The following ADAM17 variants were observed in gnomAD, a reference collection of about 807,000 sequenced individuals.
ADAM17 encodes disintegrin and metalloproteinase domain-containing protein 17.
A neutral mutation model predicts 96.7 loss-of-function variants in ADAM17; 39 were observed. The ratio of observed to expected loss-of-function variants is 0.40; its 90% confidence interval spans 0.31 to 0.53. ADAM17 has a LOEUF of 0.53. Ranked by LOEUF, ADAM17 falls within the 20% of genes least tolerant of loss-of-function variation. The pLI is 0.44. For missense variants in ADAM17, 777 were observed against 1,013.2 expected (o/e 0.77, Z 3.17); for synonymous variants, 344 against 359.2 (o/e 0.96, Z 0.48).
At chr2:9,500,624 A>G (rs970357985) in intron 13 of ADAM17, among the ~76,000 whole-genome samples, 4 of 152,238 alleles carry the variant, frequency 2.6e-5, no homozygotes, top group East Asian at 3.8e-4. Flanking sequence ...TTTGAAAAAT[A>G]TAAGAATGGG....
chr2:9,506,187 C>A (rs568728011), intron 11 of ADAM17, among the ~76,000 whole-genome samples: 4 of 152,182 alleles, frequency 2.6e-5, no homozygotes, highest in Non-Finnish European at 5.9e-5. Context: ...AATGGCTTCA[C>A]TTTCACCCCA....
chr2:9,539,071 C>T (rs575124605), intron 2 of ADAM17, among the ~76,000 whole-genome samples: 14 of 151,988 alleles, frequency 9.2e-5, no homozygotes, highest in African/African-American at 3.1e-4. Flanking sequence ...GTATATACTC[C>T]GCAGCTTTTT....
intron 11 of ADAM17, among the ~76,000 whole-genome samples, chr2:9,506,360 T>G (rs1375011477): frequency 1.9e-5 from 2 of 107,432 alleles, no homozygotes; most frequent in Admixed American, 8.7e-5. Context: ...TTCAAATCTG[T>G]TTTTTTTTTT....
At chr2:9,496,983 C>G in intron 14 of ADAM17, 131 bp downstream of exon 14, 2 of 1,387,288 alleles carry the variant, frequency 1.4e-6, no homozygotes, top group Non-Finnish European at 1.9e-6. Flanking sequence ...CCCTGCCCTT[C>G]CCCATCCCCT....
At chr2:9,520,287 T>C (rs886349188) in intron 8 of ADAM17, among the ~76,000 whole-genome samples, 1 of 152,238 alleles carries the variant, frequency 6.6e-6, no homozygotes, top group Non-Finnish European at 1.5e-5. Flanking sequence ...AAAGTCATTC[T>C]ACACCAAAGT....
intron 4 of ADAM17, among the ~76,000 whole-genome samples, chr2:9,530,988 C>T (rs1198113366): frequency 2.0e-5 from 3 of 152,118 alleles, no homozygotes; most frequent in Non-Finnish European, 4.4e-5. Context: ...GACAGAGTTT[C>T]ACCCTGTCAC....
At chr2:9,493,060 T>C in intron 16 of ADAM17, 74 bp from the exon 17 acceptor site, 3 of 1,264,430 alleles carry the variant, frequency 2.4e-6, no homozygotes, top group Non-Finnish European at 3.3e-6. Flanking sequence ...TCTTAGGATA[T>C]TACCATTGTG....
Position 9,555,492 on chromosome 2 carries a change from C to T in ADAM17, c.97+17G>A. On this transcript the variant is annotated intron_variant, in intron 1 of 18. Transcript: ENST00000310823. ...CGCTCCAGGCGCCGGCCTAAGCCAACTCCCCTGGGTCTTTACCGAGTCTCT... is the reference window on the plus strand; with the variant it reads ...CGCTCCAGGCGCCGGCCTAAGCCAATTCCCCTGGGTCTTTACCGAGTCTCT... 3 of 1,566,424 alleles carry T rather than the reference C, an allele frequency of 1.9e-6. No individual in the cohort carries two copies. Among genetic ancestry groups the T allele is most frequent in the Non-Finnish European group, 2.6e-6 (3 of 1,156,018 alleles).
chr2:9,548,971 C>T (rs1665500233), intron 1 of ADAM17, among the ~76,000 whole-genome samples: 1 of 152,192 alleles, frequency 6.6e-6, no homozygotes, highest in African/African-American at 2.4e-5. Context: ...CTGGGATAAG[C>T]TTTTATGGCC....
intron 1 of ADAM17, among the ~76,000 whole-genome samples, chr2:9,551,072 CA>C (rs752876279): frequency 2.8e-3 from 342 of 120,160 alleles, no homozygotes; most frequent in Admixed American, 5.4e-3. Context: ...GACTCTGTCT[CA>C]AAAAAAAAAA....
At chr2:9,496,718 G>C (rs1258206313) in intron 14 of ADAM17, among the ~76,000 whole-genome samples, 3 of 152,206 alleles carry the variant, frequency 2.0e-5, no homozygotes, top group Non-Finnish European at 2.9e-5. Flanking sequence ...TGGTGGAGTT[G>C]TTGCAGGAGT....
At position 9,555,591 on chromosome 2, in the gene ADAM17, G is replaced by A; in HGVS notation, c.15C>T (p.Leu5=). ...AAGGAACCACGCTGGTCAGGAATAG[G>A]AGAGACTGCCTCATGTTCCCGGCCC... MRQS[L]LFLTSVVPFV... Residue 5 remains leucine, a synonymous_variant, in exon 1 of 19, where the codon CTC becomes CTT. Coordinates refer to ENST00000310823, the MANE Select transcript of ADAM17 (RefSeq NM_003183.6). 2.5e-6 allele frequency: 4 copies of A among 1,589,688 alleles called. No individual in the cohort carries two copies. Among genetic ancestry groups the A allele is most frequent in the Non-Finnish European group, 3.4e-6 (4 of 1,167,682 alleles).
intron 7 of ADAM17, chr2:9,522,526 A>G: frequency 2.0e-6 from 1 of 505,230 alleles, no homozygotes; most frequent in East Asian, 2.9e-5. Flanking sequence ...AAAGTTTAAC[A>G]TTTATAAACA....
chr2:9,529,155 GA>G (rs1447123614), intron 4 of ADAM17, among the ~76,000 whole-genome samples: 2 of 152,210 alleles, frequency 1.3e-5, no homozygotes, highest in Admixed American at 1.3e-4. Flanking sequence ...CTAAGTGAAA[GA>G]AGCCACACAC....
intron 10 of ADAM17, among the ~76,000 whole-genome samples, chr2:9,514,527 ATATATATATAT>A (rs1284065801): frequency 3.1e-4 from 2 of 6,546 alleles, no homozygotes; most frequent in Admixed American, 8.3e-4. Context: ...AAATATATAT[ATATATATATAT>A]ATATATATAT....
intron 1 of ADAM17, among the ~76,000 whole-genome samples, chr2:9,549,902 C>A (rs959679525): frequency 5.3e-5 from 8 of 152,016 alleles, no homozygotes; most frequent in African/African-American, 1.9e-4. Context: ...ACTGCAGAAC[C>A]CCAAGGCACT....
chr2:9,550,439 C>CT (rs35602755), intron 1 of ADAM17, among the ~76,000 whole-genome samples: 907 of 73,968 alleles, frequency 0.012, 6 homozygotes, highest in East Asian at 0.029. Context: ...GATACTCATT[C>CT]TTTTTTTTTT....
intron 13 of ADAM17, among the ~76,000 whole-genome samples, chr2:9,501,423 CTCCTCAG>C (rs1662997880): frequency 6.6e-6 from 1 of 152,148 alleles, no homozygotes; most frequent in South Asian, 2.1e-4. Context: ...CACAATGACA[CTCCTCAG>C]TACCCAGAGA....
intron 13 of ADAM17, among the ~76,000 whole-genome samples, chr2:9,499,509 C>T (rs538799498): frequency 6.6e-6 from 1 of 152,086 alleles, no homozygotes; most frequent in Non-Finnish European, 1.5e-5. Flanking sequence ...TCACGCCATT[C>T]TCCTGCCTCA....
Sources: allele counts gnomAD v4.1 joint callset (sites outside exome capture counted in the v4.1 genomes callset), GRCh38; gene constraint gnomAD v4.1.1; transcripts MANE v1.5; gene names NCBI Gene and HGNC (gene_info 2026-07-23, HGNC 2026-07-21).